PPP1R12B: variants seen among roughly 807,000 people sequenced by gnomAD.
PPP1R12B encodes myosin phosphatase target subunit 2.
PPP1R12B carries 76 observed loss-of-function variants against 126.1 expected under a neutral mutation model. The observed-to-expected ratio is 0.60, with a 90% CI of 0.50 to 0.73. The LOEUF is 0.73. PPP1R12B is among the 30% of genes least tolerant of loss of function. PPP1R12B has a pLI of 0.00. For synonymous variants in PPP1R12B, 356 were observed against 434.7 expected, an observed-to-expected ratio of 0.82 and a Z score of 2.25; for missense variants, 1,052 against 1,205.1, an observed-to-expected ratio of 0.87 and a Z score of 1.88.
chr1:202,388,133 A>G (rs1261356256), intron 1 of PPP1R12B, among the ~76,000 whole-genome samples: 2 of 151,760 alleles, frequency 1.3e-5, no homozygotes, highest in East Asian at 1.9e-4. Context: ...AAAAAAAAAA[A>G]AGAGAAAAAA....
intron 2 of PPP1R12B, among the ~76,000 whole-genome samples, chr1:202,418,823 A>T (rs1558200087): frequency 6.6e-6 from 1 of 152,160 alleles, no homozygotes; most frequent in Non-Finnish European, 1.5e-5. Context: ...TGGAAAAAAA[A>T]ACATTGTTTG....
chr1:202,361,057 A>AT (rs1240077547), intron 1 of PPP1R12B, among the ~76,000 whole-genome samples: 4 of 151,570 alleles, frequency 2.6e-5, no homozygotes, highest in Admixed American at 6.6e-5. Context: ...CACCTGGCTA[A>AT]TTTTTTTGTA....
chr1:202,541,095 T>C (rs1685079202), intron 18 of PPP1R12B, among the ~76,000 whole-genome samples: 1 of 152,172 alleles, frequency 6.6e-6, no homozygotes, highest in Non-Finnish European at 1.5e-5. Context: ...TAGCAGGCAA[T>C]ATAACAGTTA....
intron 13 of PPP1R12B, among the ~76,000 whole-genome samples, chr1:202,466,265 G>C (rs1414662351): frequency 1.3e-5 from 2 of 151,576 alleles, no homozygotes; most frequent in African/African-American, 4.9e-5. Context: ...ATTTTTTCTG[G>C]CAAAGGGCCC....
chr1:202,550,223 T>C (rs1361861303), intron 18 of PPP1R12B, among the ~76,000 whole-genome samples: 1 of 152,238 alleles, frequency 6.6e-6, no homozygotes, highest in Non-Finnish European at 1.5e-5. Flanking sequence ...CCTCACTAAT[T>C]CCTTTGTAAA....
intron 13 of PPP1R12B, among the ~76,000 whole-genome samples, chr1:202,465,902 C>G (rs1408242912): frequency 6.6e-6 from 1 of 152,120 alleles, no homozygotes; most frequent in African/African-American, 2.4e-5. Flanking sequence ...AGTAATAGCT[C>G]AAGAATCCTT....
intron 18 of PPP1R12B, among the ~76,000 whole-genome samples, chr1:202,531,825 C>T (rs1683980789): frequency 6.6e-6 from 1 of 152,172 alleles, no homozygotes; most frequent in Non-Finnish European, 1.5e-5. Flanking sequence ...TGTTGATCTC[C>T]TTTGGGCCTT....
At chr1:202,548,096 C>T (rs1685838823) in intron 18 of PPP1R12B, among the ~76,000 whole-genome samples, 2 of 152,276 alleles carry the variant, frequency 1.3e-5, no homozygotes, top group East Asian at 3.9e-4. Flanking sequence ...GTTAAGTAAT[C>T]ATGTAAGATC....
intron 18 of PPP1R12B, among the ~76,000 whole-genome samples, chr1:202,545,627 G>A (rs1371318521): frequency 1.3e-5 from 2 of 152,182 alleles, no homozygotes; most frequent in Non-Finnish European, 2.9e-5. Flanking sequence ...TGCCCTCAAA[G>A]AATTGGCAGT....
chr1:202,526,488 G>A (rs1300434326), intron 18 of PPP1R12B, among the ~76,000 whole-genome samples: 1 of 152,184 alleles, frequency 6.6e-6, no homozygotes, highest in Non-Finnish European at 1.5e-5. Flanking sequence ...TAGTTGCACA[G>A]GTGCGGGTGT....
At chr1:202,401,138 T>C (rs1029243496) in intron 1 of PPP1R12B, among the ~76,000 whole-genome samples, 5 of 152,142 alleles carry the variant, frequency 3.3e-5, no homozygotes, top group African/African-American at 1.2e-4. Flanking sequence ...GTTGAATGTT[T>C]GCAAGAGACT....
At chr1:202,486,570 C>T (rs987994338) in intron 13 of PPP1R12B, among the ~76,000 whole-genome samples, 4 of 152,126 alleles carry the variant, frequency 2.6e-5, no homozygotes, top group Non-Finnish European at 5.9e-5. Flanking sequence ...TCTGGGAAGT[C>T]GAGGTGGGAG....
At chr1:202,362,154 C>G (rs1223899104) in intron 1 of PPP1R12B, among the ~76,000 whole-genome samples, 2 of 150,220 alleles carry the variant, frequency 1.3e-5, no homozygotes, top group Non-Finnish European at 2.9e-5. Context: ...GTTGGTTGGT[C>G]TAGCGATGAA....
At chr1:202,507,322 A>G (rs1399280382) in intron 18 of PPP1R12B, among the ~76,000 whole-genome samples, 1 of 152,202 alleles carries the variant, frequency 6.6e-6, no homozygotes, top group Non-Finnish European at 1.5e-5. Flanking sequence ...AAGCATTAAC[A>G]CATTAAAATA....
intron 1 of PPP1R12B, among the ~76,000 whole-genome samples, chr1:202,372,346 A>C (rs1039400684): frequency 2.6e-5 from 4 of 152,164 alleles, no homozygotes; most frequent in African/African-American, 9.6e-5. Context: ...TCTAGAAAAA[A>C]TACAAAAATT....
chr1:202,412,917 T>C (rs535606929), intron 1 of PPP1R12B, among the ~76,000 whole-genome samples: 1 of 152,312 alleles, frequency 6.6e-6, no homozygotes, highest in Non-Finnish European at 1.5e-5. Context: ...TGGGCAGACA[T>C]ACAATATATG....
chr1:202,400,437 G>A (rs12754076), intron 1 of PPP1R12B, among the ~76,000 whole-genome samples: 6 of 152,178 alleles, frequency 3.9e-5, no homozygotes, highest in African/African-American at 1.2e-4. Context: ...TGGGAAACTG[G>A]TGGTAGTGGC....
At chr1:202,480,668 A>G (rs1677230531) in intron 13 of PPP1R12B, among the ~76,000 whole-genome samples, 1 of 152,228 alleles carries the variant, frequency 6.6e-6, no homozygotes, top group African/African-American at 2.4e-5. Context: ...AGACTGTTCT[A>G]AGATCAAAGG....
chr1:202,568,042 CTTTCCACATA>C, intron 22 of PPP1R12B, among the ~76,000 whole-genome samples: 1 of 152,288 alleles, frequency 6.6e-6, no homozygotes, highest in East Asian at 1.9e-4. Flanking sequence ...ATGGTCAGTA[CTTTCCACATA>C]TTTAGTCTTA....
Sources: gnomAD v4.1 joint callset for allele counts (sites outside exome capture counted in the v4.1 genomes callset) on GRCh38, gnomAD v4.1.1 for gene constraint, MANE v1.5 for transcripts, NCBI Gene and HGNC (gene_info 2026-07-23, HGNC 2026-07-21) for gene names.